The following TYK2 variants were observed in gnomAD, a reference collection of about 807,000 sequenced individuals.
The protein encoded by TYK2 is tyrosine kinase 2.
In TYK2, 65 loss-of-function variants were observed where a neutral mutation model predicts 130.9. The ratio of observed to expected loss-of-function variants is 0.50; its 90% confidence interval spans 0.41 to 0.61. The LOEUF (loss-of-function observed/expected upper bound fraction) is 0.61, where lower values mean the gene tolerates loss of function less well. Ranked by LOEUF, TYK2 falls within the 20% of genes least tolerant of loss-of-function variation. The pLI is 0.00. For synonymous variants in TYK2, 647 were observed against 658.9 expected (o/e 0.98, Z 0.28); for missense variants, 1,378 against 1,610.7 (o/e 0.86, Z 2.47).
chr19:10,379,120 A>G (rs992867598), intron 2 of TYK2, among the ~76,000 whole-genome samples: 1 of 151,542 alleles, frequency 6.6e-6, no homozygotes, highest in Non-Finnish European at 1.5e-5. Flanking sequence ...CGGCCTCCCA[A>G]AGTGCTGGGA....
chr19:10,380,004 G>A (rs1183529718), intron 1 of TYK2, among the ~76,000 whole-genome samples: 1 of 152,118 alleles, frequency 6.6e-6, no homozygotes, highest in Non-Finnish European at 1.5e-5. Flanking sequence ...GCGCCAGTAT[G>A]GAAGTGGAGG....
Position 10,366,479 on chromosome 19 carries a change from CAG to C in TYK2, c.565_566del (p.Leu189AlafsTer117). 1 of 1,614,084 alleles carries C rather than the reference CAG, an allele frequency of 6.2e-7. No homozygotes were observed. The highest frequency in any genetic ancestry group is 1.1e-5 in the South Asian group (1 of 91,076). ...FKNESLGMAFLHLCHLALRHG... is the reference protein window; with the variant it reads ...FKNESLGMAFXHLCHLALRHG... ...GGCGGAGAGCGAGGTGACAGAGGTG[CAG>C]AAAGGCCATGCCCAGGCTCTCATTC... On this transcript the variant is annotated frameshift_variant, in exon 6 of 25. Transcript: ENST00000525621. LOFTEE classifies it high-confidence loss of function.
Position 10,353,869 on chromosome 19 carries a change from C to T in TYK2, c.2908+173G>A, listed in dbSNP as rs1331396377. 7.7e-6 allele frequency: 6 copies of T among 775,402 alleles called. No homozygotes were observed. The highest frequency in any genetic ancestry group is 5.0e-5 in the South Asian group (3 of 60,004). 48.0% of individuals were successfully genotyped at this position (775,402 alleles called of 1,614,324 possible). On this transcript the variant is annotated intron_variant, in intron 20 of 24. Transcript: ENST00000525621. This position sits in a 1 kb window ranked among gnomAD's most constrained non-coding sequence, Gnocchi z 6.9. ...CCTGGCCCCAGCAGGTAGCACCCCC[C>T]AGATGGGAAGGAGGCAGCCCAGCCA... is the stretch of plus-strand genomic sequence containing the variant.
In TYK2 at chr19:10,353,759, G is replaced by A. The variant is rs990680591; in HGVS notation, c.2909-113C>T. 1 of 786,996 alleles carries A rather than the reference G, an allele frequency of 1.3e-6. No homozygotes were observed. The highest frequency in any genetic ancestry group is 2.0e-6 in the Non-Finnish European group (1 of 505,334). 48.8% of individuals were successfully genotyped at this position (786,996 alleles called of 1,614,324 possible). ...GTCGGGAGGGAAGGCCAAGACCCGC[G>A]CACACTAGACCCAGTTCTCAGGTGG... On this transcript the variant is annotated intron_variant, in intron 20 of 24. Transcript: ENST00000525621. This position sits in a 1 kb window ranked among gnomAD's most constrained non-coding sequence, Gnocchi z 6.9.
chr19:10,373,193 C>T (rs940730244), intron 3 of TYK2, among the ~76,000 whole-genome samples: 2 of 151,536 alleles, frequency 1.3e-5, no homozygotes, highest in African/African-American at 4.9e-5. Context: ...CCCGCCACCA[C>T]GCCCGGCTAA....
chr19:10,362,603 G>A lies in TYK2; in HGVS notation c.1422C>T (p.His474=). 6.4e-7 allele frequency: 1 copy of A among 1,553,428 alleles called. No homozygotes were observed. Among genetic ancestry groups the A allele is most frequent in the Non-Finnish European group, 8.7e-7 (1 of 1,147,950 alleles). The part of the protein sequence containing the change: ...LRPEDGLYLI[H]WSTSHPYRLI... ...GGCGGTAGGGGTGGCTGGTGCTCCAGTGAATGAGGTACAGGCCGTCCTCGG... is the reference window on the plus strand; with the variant it reads ...GGCGGTAGGGGTGGCTGGTGCTCCAATGAATGAGGTACAGGCCGTCCTCGG... Residue 474 remains histidine (H), a synonymous_variant, in exon 10 of 25, where the codon CAC becomes CAT. Transcript: ENST00000525621.
At position 10,353,191 on chromosome 19, in the gene TYK2, G is replaced by C; in HGVS notation, c.3028-93C>G. 1 of 1,200,652 alleles carries C rather than the reference G, an allele frequency of 8.3e-7. No individual in the cohort carries two copies. 74.4% of individuals were successfully genotyped at this position (1,200,652 alleles called of 1,614,324 possible). ...GAGCAGCCAGGAGGGCTGGGGGACAGTCAGGTCAGGCCGGTGGCTACCCGG... is the reference window on the plus strand; with the variant it reads ...GAGCAGCCAGGAGGGCTGGGGGACACTCAGGTCAGGCCGGTGGCTACCCGG... On this transcript the variant is annotated intron_variant, in intron 21 of 24. Coordinates refer to ENST00000525621, the MANE Select transcript of TYK2 (RefSeq NM_003331.5). This position sits in a 1 kb window ranked among gnomAD's most constrained non-coding sequence, Gnocchi z 6.9.
intron 14 of TYK2, among the ~76,000 whole-genome samples, chr19:10,360,176 C>T (rs963096269): frequency 6.0e-5 from 9 of 150,736 alleles, no homozygotes; most frequent in African/African-American, 1.7e-4. Context: ...AGTGAGACTC[C>T]GTCTCAAAAA....
rs774126044 is a variant in TYK2 at position 10,354,025 on chromosome 19, C to T, written c.2908+17G>A. On this transcript the variant is annotated intron_variant, in intron 20 of 24. Transcript: ENST00000525621. ...CACGCCCCCTCAAGTCTCTAGGACT[C>T]GCCGGGTCCCGCCCACCTTGGTCCT... 6.2e-7 allele frequency: 1 copy of T among 1,613,392 alleles called. No homozygotes were observed. Among genetic ancestry groups the T allele is most frequent in the Admixed American group, 1.7e-5 (1 of 60,004 alleles).
At chr19:10,366,062 G>C (rs1488090324) in intron 6 of TYK2, among the ~76,000 whole-genome samples, 164 bp from the exon 7 acceptor site, 1 of 152,148 alleles carries the variant, frequency 6.6e-6, no homozygotes, top group African/African-American at 2.4e-5. Context: ...CAGCTACTTG[G>C]GAAGCCAAGG....
chr19:10,360,964 A>G (rs930600596), intron 14 of TYK2: 4 of 322,186 alleles, frequency 1.2e-5, no homozygotes, highest in Non-Finnish European at 1.9e-5. Flanking sequence ...CATGTTACCC[A>G]GGCTGGTCTT....
chr19:10,374,180 G>C (rs889442154), intron 3 of TYK2, among the ~76,000 whole-genome samples: 7 of 150,920 alleles, frequency 4.6e-5, no homozygotes, highest in African/African-American at 1.7e-4. Flanking sequence ...GCAGGAGAAT[G>C]GCGTGAACCC....
At chr19:10,358,358 T>C (rs989693052) in intron 15 of TYK2, among the ~76,000 whole-genome samples, 1 of 148,118 alleles carries the variant, frequency 6.8e-6, no homozygotes, top group African/African-American at 2.5e-5. Flanking sequence ...TGGAGTATAG[T>C]GGCACGAACA....
In TYK2 at chr19:10,365,878, C is replaced by T. The variant is rs373143912; in HGVS notation, c.650G>A (p.Arg217His). 61 of 1,610,476 alleles carry T rather than the reference C, an allele frequency of 3.8e-5. No individual in the cohort carries two copies. The highest frequency in any genetic ancestry group is 6.7e-5 in the Admixed American group (4 of 59,698). Reference protein sequence around the residue: ...KKTSFKDCIPRSFRRHIRQHS... With the variant: ...KKTSFKDCIPHSFRRHIRQHS... ...CTGCCGGATATGCCGGCGGAAGGAG[C>T]GCGGGATGCAGTCCTTGAAGCTGGG... Residue 217 changes from arginine (R) to histidine (H), a missense_variant, in exon 7 of 25, where the codon CGC becomes CAC. Arg to His is a conservative substitution (Grantham distance 29, BLOSUM62 0). Coordinates refer to ENST00000525621, the MANE Select transcript of TYK2 (RefSeq NM_003331.5).
Position 10,365,562 on chromosome 19 carries a change from A to G in TYK2, c.966T>C (p.Gly322=). ...CCTCTACTGGCCACCACTGGATGCC[A>G]CCAGTGCCTGTCACCAGCACCTCGT... The part of the protein sequence containing the change: ...PTHEVLVTGT[G]GIQWWPVEEE... Residue 322 remains glycine (G), a synonymous_variant, in exon 7 of 25, where the codon GGT becomes GGC. Transcript: ENST00000525621. 2 of 1,613,880 alleles carry G rather than the reference A, an allele frequency of 1.2e-6. No homozygotes were observed. Among genetic ancestry groups the G allele is most frequent in the Non-Finnish European group, 1.7e-6 (2 of 1,179,964 alleles).
At chr19:10,359,408 T>C in intron 14 of TYK2, 106 bp from the exon 15 acceptor site, 1 of 1,393,526 alleles carries the variant, frequency 7.2e-7, no homozygotes, top group Non-Finnish European at 9.9e-7. Flanking sequence ...GCTGGGGAGG[T>C]GTCAGGGCAG....
intron 6 of TYK2, 116 bp from the exon 7 acceptor site, chr19:10,366,014 G>A (rs1210812025): frequency 2.6e-6 from 3 of 1,145,360 alleles, no homozygotes; most frequent in Non-Finnish European, 2.4e-6. Flanking sequence ...TGGAAAACAG[G>A]CACACTAGCC....
chr19:10,362,198 A>G lies in TYK2; in HGVS notation c.1670-17T>C. 2.5e-6 allele frequency: 4 copies of G among 1,613,920 alleles called. No individual in the cohort carries two copies. Among genetic ancestry groups the G allele is most frequent in the Non-Finnish European group, 3.4e-6 (4 of 1,179,960 alleles). ...TGGAGGTTTCTGGGGGCAGGCATCA[A>G]GTCATGGAGGGCGGGCCTGGGGGAG... is the stretch of plus-strand genomic sequence containing the variant. On this transcript the variant is annotated splice_polypyrimidine_tract_variant and intron_variant, in intron 11 of 24. Transcript: ENST00000525621.
chr19:10,367,849 G>A (rs2041737424), intron 5 of TYK2, among the ~76,000 whole-genome samples: 1 of 151,714 alleles, frequency 6.6e-6, no homozygotes, highest in Non-Finnish European at 1.5e-5. Context: ...GAACCTGGGA[G>A]GCGGAGCTTG....
Sources: allele counts gnomAD v4.1 joint callset (sites outside exome capture counted in the v4.1 genomes callset), GRCh38; gene constraint gnomAD v4.1.1; non-coding constraint Gnocchi (gnomAD v3.1); transcripts MANE v1.5; gene names NCBI Gene and HGNC (gene_info 2026-07-23, HGNC 2026-07-21).